Variants in SPAG16 observed in about 807,000 individuals in gnomAD.
SPAG16 encodes the protein sperm associated antigen 16.
A neutral mutation model predicts 80.4 loss-of-function variants in SPAG16; 86 were observed. That is an observed-to-expected ratio of 1.07 (90% confidence interval 0.90 to 1.28). The LOEUF (loss-of-function observed/expected upper bound fraction) is 1.28, where lower values mean the gene tolerates loss of function less well. Ranked by LOEUF, SPAG16 falls within the 50% of genes most tolerant of loss-of-function variation. The pLI is 0.00. For missense variants in SPAG16, 870 were observed against 765.3 expected (o/e 1.14, Z -1.61); for synonymous variants, 294 against 265.9 (o/e 1.11, Z -1.03).
intron 11 of SPAG16, among the ~76,000 whole-genome samples, chr2:213,873,261 T>C (rs71426348): frequency 6.6e-4 from 100 of 152,222 alleles, no homozygotes; most frequent in Non-Finnish European, 1.2e-3. Context: ...CCAGGTTATC[T>C]AATTTGCTGC....
chr2:214,262,591 GTTAAA>G (rs1015032035), intron 15 of SPAG16, among the ~76,000 whole-genome samples: 12 of 151,928 alleles, frequency 7.9e-5, no homozygotes, highest in African/African-American at 2.9e-4. Flanking sequence ...TTAAGATCAT[GTTAAA>G]TTAACCATAA....
intron 12 of SPAG16, among the ~76,000 whole-genome samples, chr2:214,009,724 C>T (rs779962327): frequency 7.2e-5 from 11 of 152,178 alleles, no homozygotes; most frequent in South Asian, 2.1e-4. Context: ...AAGAGATACA[C>T]GTCAGGGATT....
intron 9 of SPAG16, among the ~76,000 whole-genome samples, chr2:213,428,641 A>T (rs1413984806): frequency 6.6e-6 from 1 of 152,170 alleles, no homozygotes; most frequent in Non-Finnish European, 1.5e-5. Flanking sequence ...GGTGGAGCAG[A>T]AGGAGATTTG....
intron 10 of SPAG16, among the ~76,000 whole-genome samples, chr2:213,784,816 T>G (rs1299153822): frequency 6.6e-6 from 1 of 151,998 alleles, no homozygotes; most frequent in African/African-American, 2.4e-5. Flanking sequence ...TTTTTGTAGC[T>G]AATGTCCCTA....
intron 10 of SPAG16, among the ~76,000 whole-genome samples, chr2:213,548,867 G>C (rs2076698426): frequency 6.6e-6 from 1 of 152,022 alleles, no homozygotes; most frequent in Middle Eastern, 3.4e-3. Flanking sequence ...GCAAACTTTT[G>C]AAGGGCTACT....
intron 15 of SPAG16, among the ~76,000 whole-genome samples, chr2:214,256,685 C>T (rs1340723752): frequency 6.6e-6 from 1 of 151,862 alleles, no homozygotes; most frequent in Non-Finnish European, 1.5e-5. Context: ...CTTAACTGTC[C>T]ACACTGGGTT....
chr2:213,471,790 C>T (rs1443874272), intron 9 of SPAG16, among the ~76,000 whole-genome samples: 4 of 152,170 alleles, frequency 2.6e-5, no homozygotes, highest in Non-Finnish European at 5.9e-5. Context: ...CACAGTAACA[C>T]ACCCATATGA....
chr2:214,035,666 G>A (rs1019457125), intron 13 of SPAG16, among the ~76,000 whole-genome samples: 2 of 152,214 alleles, frequency 1.3e-5, no homozygotes, highest in Non-Finnish European at 2.9e-5. Context: ...GCCCCTGGGG[G>A]CGGGGGTCCT....
intron 3 of SPAG16, among the ~76,000 whole-genome samples, chr2:213,303,581 G>A (rs966711647): frequency 1.8e-4 from 28 of 151,900 alleles, no homozygotes; most frequent in African/African-American, 6.5e-4. Context: ...GCCTTCGTGA[G>A]TTCAATTGTT....
intron 11 of SPAG16, among the ~76,000 whole-genome samples, chr2:213,918,403 G>T (rs972489201): frequency 6.6e-6 from 1 of 151,906 alleles, no homozygotes; most frequent in East Asian, 1.9e-4. Context: ...CTGGTCCTGG[G>T]TTTTTTTCTG....
intron 10 of SPAG16, among the ~76,000 whole-genome samples, chr2:213,639,610 C>T (rs1213230752): frequency 6.6e-6 from 1 of 152,148 alleles, no homozygotes; most frequent in Non-Finnish European, 1.5e-5. Flanking sequence ...GAGAAATCTG[C>T]TGTAAATCTG....
intron 10 of SPAG16, among the ~76,000 whole-genome samples, chr2:213,681,493 C>G (rs559871232): frequency 1.3e-5 from 2 of 152,188 alleles, no homozygotes; most frequent in East Asian, 1.9e-4. Context: ...TTTCCAGTTC[C>G]AATTCCAAAG....
chr2:214,404,075 G>T (rs897975192), intron 15 of SPAG16, among the ~76,000 whole-genome samples: 1 of 152,144 alleles, frequency 6.6e-6, no homozygotes, highest in Non-Finnish European at 1.5e-5. Context: ...TCCAAAGGTA[G>T]GGAAGTGAAA....
chr2:214,265,070 G>T (rs1479422475), intron 15 of SPAG16, among the ~76,000 whole-genome samples: 3 of 152,078 alleles, frequency 2.0e-5, no homozygotes, highest in Non-Finnish European at 4.4e-5. Flanking sequence ...TTGCAATTAT[G>T]GGAAAGATTG....
intron 8 of SPAG16, chr2:213,364,485 A>G (rs940453335): frequency 1.9e-5 from 3 of 158,486 alleles, no homozygotes; most frequent in Admixed American, 6.5e-5. Flanking sequence ...ACAGAAGGCA[A>G]TTGACAGAAG....
intron 13 of SPAG16, among the ~76,000 whole-genome samples, chr2:214,026,022 A>T (rs1294326723): frequency 6.6e-6 from 1 of 151,572 alleles, no homozygotes; most frequent in Non-Finnish European, 1.5e-5. Context: ...ATGTGGTAAG[A>T]GGCAGGGCTG....
At chr2:213,299,820 TA>T (rs1317805903) in intron 3 of SPAG16, among the ~76,000 whole-genome samples, 5 of 152,256 alleles carry the variant, frequency 3.3e-5, no homozygotes, top group African/African-American at 9.6e-5. Context: ...ATACTATCAG[TA>T]GTTTCTTGAA....
At chr2:213,546,795 T>C (rs929659889) in intron 10 of SPAG16, among the ~76,000 whole-genome samples, 6 of 152,142 alleles carry the variant, frequency 3.9e-5, no homozygotes, top group Admixed American at 2.6e-4. Flanking sequence ...GTGAGACTTG[T>C]AACGGTTAGT....
chr2:213,310,511 T>C (rs997871506), intron 4 of SPAG16, among the ~76,000 whole-genome samples: 2 of 152,000 alleles, frequency 1.3e-5, no homozygotes, highest in Admixed American at 6.6e-5. Flanking sequence ...TGAAAACATT[T>C]CCTAATATTT....
Sources: gnomAD v4.1 joint callset for allele counts (sites outside exome capture counted in the v4.1 genomes callset) on GRCh38, gnomAD v4.1.1 for gene constraint, MANE v1.5 for transcripts, NCBI Gene and HGNC (gene_info 2026-07-23, HGNC 2026-07-21) for gene names.